Variants in RNF144A observed in about 807,000 individuals in gnomAD.
RNF144A encodes E3 ubiquitin-protein ligase RNF144A.
Under a neutral mutation model 38.7 loss-of-function variants are expected in RNF144A, and 11 were observed. The ratio of observed to expected loss-of-function variants is 0.28; its 90% confidence interval spans 0.18 to 0.47. The LOEUF (loss-of-function observed/expected upper bound fraction) is 0.47. RNF144A is among the 20% of genes least tolerant of loss of function. RNF144A has a pLI of 0.99. For missense variants in RNF144A, 316 were observed against 377.2 expected, an observed-to-expected ratio of 0.84 and a Z score of 1.34; for synonymous variants, 149 against 143.9, an observed-to-expected ratio of 1.04 and a Z score of -0.25.
intron 1 of RNF144A, among the ~76,000 whole-genome samples, chr2:6,926,967 G>A (rs1664914853): frequency 6.6e-6 from 1 of 152,122 alleles, no homozygotes; most frequent in East Asian, 1.9e-4. Context: ...ACAAGGGAGA[G>A]TTTACCGTTC....
At chr2:7,063,805 G>A (rs939620440) in intron 6 of RNF144A, among the ~76,000 whole-genome samples, 1 of 152,212 alleles carries the variant, frequency 6.6e-6, no homozygotes, top group Non-Finnish European at 1.5e-5. Context: ...ACTACCAGTG[G>A]CAATAAGGAG....
Position 6,941,839 on chromosome 2 carries a change from A to G in RNF144A, c.-12+692A>G, listed in dbSNP as rs968628337. ...ACAGAAGGGCTGGTGGCTGCAGCAT[A>G]CGGACAGCTGGAGGAGCACCCAGGC... On this transcript the variant is annotated intron_variant, in intron 2 of 8. Transcript: ENST00000320892. The surrounding 1 kb of genome is among the most constrained non-coding windows in gnomAD (Gnocchi z 6.5). Among the ~76,000 whole-genome samples the G allele has an allele frequency of 6.6e-6, 1 of 152,228 alleles. No homozygotes were observed. Among genetic ancestry groups the G allele is most frequent in the Non-Finnish European group, 1.5e-5 (1 of 68,040 alleles).
At chr2:7,045,887 T>G (rs1673289573), downstream of RNF144A, among the ~76,000 whole-genome samples, 1 of 132,370 alleles carries the variant, frequency 7.6e-6, no homozygotes, top group Non-Finnish European at 1.6e-5. Flanking sequence ...GAAGCGGGCC[T>G]GGAATGTAGG....
intron 7 of RNF144A, among the ~76,000 whole-genome samples, chr2:7,029,457 G>A (rs139055522): frequency 7.2e-5 from 11 of 152,326 alleles, no homozygotes; most frequent in Admixed American, 1.3e-4. Flanking sequence ...GGAGGGAGGC[G>A]TCCACAGGTG....
chr2:7,009,378 A>G (rs2460405), intron 3 of RNF144A, among the ~76,000 whole-genome samples: 85,534 of 152,094 alleles, frequency 0.56, 24,856 homozygotes, highest in Non-Finnish European at 0.64. Context: ...CACGCCGATC[A>G]TGACCTGAAG....
intron 6 of RNF144A, among the ~76,000 whole-genome samples, chr2:7,067,465 C>T (rs780942973): frequency 2.8e-4 from 42 of 152,264 alleles, no homozygotes; most frequent in Admixed American, 9.8e-4. Flanking sequence ...CTTGAAGAGG[C>T]TTCAAGCTCA....
chr2:7,053,770 G>A (rs1285114657), intron 6 of RNF144A, among the ~76,000 whole-genome samples: 3 of 152,234 alleles, frequency 2.0e-5, no homozygotes, highest in African/African-American at 7.2e-5. Context: ...ACCCAGACCT[G>A]CCAGACTCAG....
chr2:6,952,954 G>A (rs1666779847), intron 2 of RNF144A, among the ~76,000 whole-genome samples: 1 of 151,974 alleles, frequency 6.6e-6, no homozygotes, highest in Non-Finnish European at 1.5e-5. Flanking sequence ...TCTTGACTTT[G>A]TTGACCCTCT....
chr2:7,044,666 G>T (rs1422098061), downstream of RNF144A, among the ~76,000 whole-genome samples: 1 of 152,224 alleles, frequency 6.6e-6, no homozygotes, highest in East Asian at 1.9e-4. Context: ...TTTCGTAGGA[G>T]AGATAATAAT....
Position 6,990,570 on chromosome 2 carries a change from C to A in RNF144A, c.-11-6346C>A, listed in dbSNP as rs577180615. Among the ~76,000 whole-genome samples the A allele has an allele frequency of 3.1e-3, 240 of 77,808 alleles. 4 individuals are homozygous for A. The highest frequency in any genetic ancestry group is 0.016 in the African/African-American group (222 of 14,248). The allele number at this position is 77,808 out of a possible 152,430, so 51.0% of individuals were successfully genotyped here. A position where few individuals can be genotyped will look rare whatever the true frequency, so the allele number is the denominator to read the frequency against. On this transcript the variant is annotated intron_variant, in intron 2 of 8. Transcript: ENST00000320892. ...ATAGAGAGAGAGATTGCTACACACA[C>A]AAACACACACACACACACACACACA...
intron 1 of RNF144A, among the ~76,000 whole-genome samples, chr2:6,923,795 C>CTT (rs145998969): frequency 3.4e-5 from 5 of 147,090 alleles, no homozygotes; most frequent in Non-Finnish European, 4.5e-5. Context: ...TCCATAGCAA[C>CTT]TTTATTTTTT....
At chr2:6,931,963 T>C (rs1665232770) in intron 1 of RNF144A, among the ~76,000 whole-genome samples, 2 of 152,212 alleles carry the variant, frequency 1.3e-5, no homozygotes, top group African/African-American at 4.8e-5. Flanking sequence ...TCAACTATGT[T>C]CTTATTGATT....
chr2:7,040,863 G>A lies in RNF144A; in HGVS notation c.*1103G>A, dbSNP rs1255945898. On this transcript the variant is annotated 3_prime_UTR_variant, in exon 9 of 9. Coordinates refer to ENST00000320892, the MANE Select transcript of RNF144A (RefSeq NM_014746.6). ...ACAGTTCCAAGTCCTGTTGCTAACC[G>A]TTTTGCTCTTGTTGGGGAAAAGAAC... 9 of 985,424 alleles carry A rather than the reference G, an allele frequency of 9.1e-6. No homozygotes were observed. The East Asian group carries it at 4.5e-4, about 50-fold the overall frequency. The allele number at this position is 985,424 out of a possible 1,614,324, so 61.0% of individuals were successfully genotyped here.
intron 1 of RNF144A, among the ~76,000 whole-genome samples, chr2:6,935,820 G>A (rs768768832): frequency 2.6e-5 from 4 of 152,208 alleles, no homozygotes; most frequent in South Asian, 2.1e-4. Flanking sequence ...GCTTGTTGTC[G>A]GCATGGCAAT....
In RNF144A at chr2:7,039,827, C is replaced by A. The variant is rs192378723; in HGVS notation, c.*67C>A. The stretch of plus-strand genomic sequence containing the variant: ...GTGGCTCTCCCCCAACCCTCCCCAC[C>A]GTCCCCCCTTCACTAAACATCTTTC... On this transcript the variant is annotated 3_prime_UTR_variant, in exon 9 of 9. Transcript: ENST00000320892. 6.3e-7 allele frequency: 1 copy of A among 1,582,860 alleles called. No homozygotes were observed. Among genetic ancestry groups the A allele is most frequent in the South Asian group, 1.1e-5 (1 of 87,494 alleles).
Position 7,042,424 on chromosome 2 carries a change from C to T in RNF144A, c.*2664C>T, listed in dbSNP as rs1298307487. 1.0e-6 allele frequency: 1 copy of T among 985,338 alleles called. No individual in the cohort carries two copies. The highest frequency in any genetic ancestry group is 1.1e-4 in the East Asian group (1 of 8,822). The allele number at this position is 985,338 out of a possible 1,614,324, so 61.0% of individuals were successfully genotyped here. On this transcript the variant is annotated 3_prime_UTR_variant, in exon 9 of 9. Coordinates refer to ENST00000320892, the MANE Select transcript of RNF144A (RefSeq NM_014746.6). Reference sequence around the variant, plus strand: ...TCTTACAGATGGTGTTCACTGCAAGCCCCAGAAGCATATGGCATGTGTTCA... The same window carrying T: ...TCTTACAGATGGTGTTCACTGCAAGTCCCAGAAGCATATGGCATGTGTTCA...
At chr2:7,013,670 T>C (rs1274553547) in intron 3 of RNF144A, among the ~76,000 whole-genome samples, 2 of 152,204 alleles carry the variant, frequency 1.3e-5, no homozygotes, top group Non-Finnish European at 2.9e-5. Flanking sequence ...TCATTGCTGT[T>C]TATAATATGC....
chr2:6,962,150 G>A lies in RNF144A; in HGVS notation c.-12+21003G>A, dbSNP rs1667386295. ...GATAAGCTGGTGGGGAATGATACCT[G>A]GTCTACATAGGGAGCTAAAGACTGG... On this transcript the variant is annotated intron_variant, in intron 2 of 8. Coordinates refer to ENST00000320892, the MANE Select transcript of RNF144A (RefSeq NM_014746.6). This position sits in a 1 kb window ranked among gnomAD's most constrained non-coding sequence, Gnocchi z 4.1. Among the ~76,000 whole-genome samples, 1 of 152,182 alleles carries A rather than the reference G, an allele frequency of 6.6e-6. No individual in the cohort carries two copies. Among genetic ancestry groups the A allele is most frequent in the African/African-American group, 2.4e-5 (1 of 41,432 alleles).
At chr2:6,942,303 A>G (rs1666049374) in intron 2 of RNF144A, among the ~76,000 whole-genome samples, 1 of 151,950 alleles carries the variant, frequency 6.6e-6, no homozygotes, top group African/African-American at 2.4e-5. Context: ...AGAGTCCAGG[A>G]TACCATCTCA....
Sources: gnomAD v4.1 joint callset for allele counts (sites outside exome capture counted in the v4.1 genomes callset) on GRCh38, gnomAD v4.1.1 for gene constraint, Gnocchi (gnomAD v3.1) non-coding constraint, MANE v1.5 for transcripts, NCBI Gene and HGNC (gene_info 2026-07-23, HGNC 2026-07-21) for gene names.